NEK10: variants seen among roughly 807,000 people sequenced by gnomAD.
NEK10 encodes the protein NIMA related kinase 10, also known as serine/threonine-protein kinase Nek10.
A neutral mutation model predicts 159.8 loss-of-function variants in NEK10; 122 were observed. The ratio of observed to expected loss-of-function variants is 0.76; its 90% confidence interval spans 0.66 to 0.89. NEK10 has a LOEUF of 0.89. Among genes scored for constraint, NEK10 ranks in the 40% least tolerant of loss-of-function variants. The pLI is 0.00. For missense variants in NEK10, 1,342 were observed against 1,323.1 expected (o/e 1.01, Z -0.22); for synonymous variants, 466 against 457.1 (o/e 1.02, Z -0.25).
At chr3:27,286,079 C>CTTTTTTTTTTTTTTT (rs35663067) in intron 20 of NEK10, among the ~76,000 whole-genome samples, 3 of 57,710 alleles carry the variant, frequency 5.2e-5, no homozygotes, top group African/African-American at 7.8e-5. Context: ...ATTTCCAATT[C>CTTTTTTTTTTTTTTT]TTTTTTTTTT....
intron 32 of NEK10, among the ~76,000 whole-genome samples, chr3:27,124,764 A>C (rs1231667205): frequency 2.0e-5 from 3 of 152,204 alleles, no homozygotes; most frequent in Non-Finnish European, 2.9e-5. Flanking sequence ...GAAGGTGGTG[A>C]GTCTAATTCC....
At chr3:27,274,047 C>A (rs982291725) in intron 22 of NEK10, among the ~76,000 whole-genome samples, 2 of 152,014 alleles carry the variant, frequency 1.3e-5, no homozygotes, top group Admixed American at 6.6e-5. Flanking sequence ...ATTTCTAATT[C>A]AACAAATGGC....
intron 23 of NEK10, among the ~76,000 whole-genome samples, chr3:27,214,367 T>C (rs1251455550): frequency 6.6e-6 from 1 of 152,120 alleles, no homozygotes; most frequent in African/African-American, 2.4e-5. Flanking sequence ...GGAGCTTGGC[T>C]TTTTTCATCA....
intron 13 of NEK10, among the ~76,000 whole-genome samples, chr3:27,298,656 A>C (rs1006193812): frequency 2.0e-5 from 3 of 152,084 alleles, no homozygotes; most frequent in Non-Finnish European, 4.4e-5. Context: ...AAAGTTTGGA[A>C]CTCCCTAGAG....
chr3:27,204,742 C>T (rs1292105774), intron 23 of NEK10, among the ~76,000 whole-genome samples: 3 of 140,680 alleles, frequency 2.1e-5, no homozygotes, highest in Non-Finnish European at 3.1e-5. Context: ...CAAGTCTTTG[C>T]TATTGTGAAT....
intron 23 of NEK10, chr3:27,206,510 A>G (rs1950558110): frequency 1.2e-6 from 1 of 838,998 alleles, no homozygotes; most frequent in Non-Finnish European, 1.4e-6. Flanking sequence ...CTCAGATACC[A>G]TATAATGACC....
chr3:27,333,298 C>A (rs13086716), intron 5 of NEK10, among the ~76,000 whole-genome samples: 21,924 of 151,996 alleles, frequency 0.14, 1,849 homozygotes, highest in Non-Finnish European at 0.2. Flanking sequence ...GTAATCCTAG[C>A]ACTTTGGGAG....
intron 13 of NEK10, among the ~76,000 whole-genome samples, chr3:27,297,822 T>C (rs1049919285): frequency 6.6e-6 from 1 of 152,204 alleles, no homozygotes; most frequent in Non-Finnish European, 1.5e-5. Context: ...ACAGCCACTG[T>C]GGCAGCCTTT....
At chr3:27,181,682 T>C (rs1042080261) in intron 26 of NEK10, among the ~76,000 whole-genome samples, 1 of 152,206 alleles carries the variant, frequency 6.6e-6, no homozygotes, top group Non-Finnish European at 1.5e-5. Context: ...CTTGCCTTCT[T>C]TTATTTTTGT....
chr3:27,144,748 G>A (rs1324624530), intron 30 of NEK10, among the ~76,000 whole-genome samples: 2 of 151,932 alleles, frequency 1.3e-5, no homozygotes, highest in Non-Finnish European at 2.9e-5. Context: ...TTGAAACAGG[G>A]TCTCACTCTG....
At chr3:27,138,289 G>C (rs958462484) in intron 31 of NEK10, among the ~76,000 whole-genome samples, 10 of 152,190 alleles carry the variant, frequency 6.6e-5, no homozygotes, top group African/African-American at 2.4e-4. Context: ...CTCAAGTGCT[G>C]ATTCCCAGTA....
chr3:27,252,881 G>T lies in NEK10; in HGVS notation c.2090+3415C>A, dbSNP rs1484098011. 4 of 513,564 alleles carry T rather than the reference G, an allele frequency of 7.8e-6. 1 individual carries two copies. The Admixed American group carries it at 7.9e-5, about 10-fold the overall frequency. 31.8% of individuals were successfully genotyped at this position (513,564 alleles called of 1,614,324 possible). A position where few individuals can be genotyped will look rare whatever the true frequency, so the allele number is the denominator to read the frequency against. ...GAGAATGCAAGGTTGTCTGCTTGTG[G>T]CCATACTGAGGGCTTGGTCTTTGCA... is the stretch of plus-strand genomic sequence containing the variant. On this transcript the variant is annotated intron_variant, in intron 23 of 35. Transcript: ENST00000691995.
intron 35 of NEK10, among the ~76,000 whole-genome samples, chr3:27,113,688 C>T (rs1044887482): frequency 6.6e-6 from 1 of 152,012 alleles, no homozygotes. Flanking sequence ...TTTGCAATGT[C>T]TTTTAATAAA....
At chr3:27,328,636 C>T (rs958145066) in intron 5 of NEK10, among the ~76,000 whole-genome samples, 13 of 152,162 alleles carry the variant, frequency 8.5e-5, no homozygotes, top group African/African-American at 2.9e-4. Context: ...AAAATAAGAA[C>T]AGGGCCTTTG....
intron 5 of NEK10, among the ~76,000 whole-genome samples, chr3:27,338,870 G>T (rs2047002628): frequency 6.6e-6 from 1 of 152,060 alleles, no homozygotes; most frequent in African/African-American, 2.4e-5. Context: ...CCATTCTGTA[G>T]GTTGTGGTCT....
At chr3:27,216,263 C>T in intron 23 of NEK10, 1 of 187,616 alleles carries the variant, frequency 5.3e-6, no homozygotes, top group Non-Finnish European at 1.1e-5. Flanking sequence ...TAATTCTAGA[C>T]AGTATCATTA....
intron 22 of NEK10, among the ~76,000 whole-genome samples, chr3:27,256,930 T>C (rs78754811): frequency 7.1e-4 from 94 of 131,920 alleles, no homozygotes; most frequent in Admixed American, 2.7e-3. Flanking sequence ...TTTTTTTTTT[T>C]TTTGAGACAG....
At chr3:27,305,022 T>C in intron 11 of NEK10, 51 bp from the exon 12 acceptor site, 1 of 1,074,374 alleles carries the variant, frequency 9.3e-7, no homozygotes, top group Non-Finnish European at 1.4e-6. Flanking sequence ...ATGAGTTGAT[T>C]ACTTTACATT....
chr3:27,121,675 T>C (rs1041808761), intron 32 of NEK10, among the ~76,000 whole-genome samples: 2 of 152,328 alleles, frequency 1.3e-5, no homozygotes, highest in African/African-American at 4.8e-5. Context: ...ATTAAACCTC[T>C]TTCTTTTGTA....
Sources: gnomAD v4.1 joint callset for allele counts (sites outside exome capture counted in the v4.1 genomes callset) on GRCh38, gnomAD v4.1.1 for gene constraint, MANE v1.5 for transcripts, NCBI Gene and HGNC (gene_info 2026-07-23, HGNC 2026-07-21) for gene names.